Variants in NCOA1 observed in about 807,000 individuals in gnomAD.
The protein encoded by NCOA1 is nuclear receptor coactivator 1.
In NCOA1, 35 loss-of-function variants were observed where a neutral mutation model predicts 150.9. That is an observed-to-expected ratio of 0.23 (90% CI 0.18 to 0.31). The LOEUF is 0.31. Ranked by LOEUF, NCOA1 falls within the 10% of genes least tolerant of loss-of-function variation. NCOA1 has a pLI of 1.00. For synonymous variants in NCOA1, 590 were observed against 630.0 expected (o/e 0.94, Z 0.95); for missense variants, 1,491 against 1,749.3 (o/e 0.85, Z 2.63).
At chr2:24,658,627 G>A in intron 4 of NCOA1, 34 bp from the exon 5 acceptor site, 3 of 1,506,570 alleles carry the variant, frequency 2.0e-6, no homozygotes, top group South Asian at 1.1e-5. Flanking sequence ...AAGGTCATAA[G>A]GGTAGATTTC....
intron 1 of NCOA1, among the ~76,000 whole-genome samples, chr2:24,552,286 T>C (rs1367106353): frequency 7.1e-6 from 1 of 140,758 alleles, no homozygotes; most frequent in East Asian, 2.0e-4. Context: ...CACCAATTAT[T>C]GAGGTCTTTG....
At chr2:24,752,543 G>C (rs1488762808) in intron 20 of NCOA1, among the ~76,000 whole-genome samples, 1 of 152,162 alleles carries the variant, frequency 6.6e-6, no homozygotes, top group Non-Finnish European at 1.5e-5. Flanking sequence ...AAGTGATCTA[G>C]GTCCCCAACC....
chr2:24,729,889 T>A, intron 17 of NCOA1, 74 bp downstream of exon 17: 1 of 1,477,072 alleles, frequency 6.8e-7, no homozygotes, highest in Non-Finnish European at 9.1e-7. Flanking sequence ...CAGGCTAGTG[T>A]GGCTAGTGTG....
intron 9 of NCOA1, 118 bp from the exon 10 acceptor site, chr2:24,693,134 G>A (rs1056798997): frequency 1.4e-5 from 13 of 926,784 alleles, no homozygotes; most frequent in South Asian, 2.9e-5. Flanking sequence ...GATTACAGGC[G>A]TGAGCCACCA....
chr2:24,656,696 A>G (rs1670967593), intron 4 of NCOA1, among the ~76,000 whole-genome samples: 1 of 152,326 alleles, frequency 6.6e-6, no homozygotes, highest in Non-Finnish European at 1.5e-5. Flanking sequence ...TTTAGTTTAC[A>G]CATGAGTGAG....
intron 6 of NCOA1, among the ~76,000 whole-genome samples, chr2:24,669,201 A>G (rs529988461): frequency 6.6e-6 from 1 of 152,350 alleles, no homozygotes; most frequent in Admixed American, 6.5e-5. Flanking sequence ...GATATAGGCT[A>G]GGTTAGTATA....
At chr2:24,714,764 G>A (rs888577668) in intron 14 of NCOA1, among the ~76,000 whole-genome samples, 1 of 151,974 alleles carries the variant, frequency 6.6e-6, no homozygotes, top group African/African-American at 2.4e-5. Context: ...AGAAGGGGGA[G>A]CAGGTGAAAT....
intron 5 of NCOA1, 50 bp downstream of exon 5, chr2:24,658,816 T>G: frequency 6.6e-7 from 1 of 1,504,402 alleles, no homozygotes; most frequent in Non-Finnish European, 9.2e-7. Context: ...TTTATTACTT[T>G]CACTGCCACT....
At chr2:24,729,468 A>G (rs1303947806) in intron 16 of NCOA1, 33 bp from the exon 17 acceptor site, 1 of 1,569,664 alleles carries the variant, frequency 6.4e-7, no homozygotes, top group East Asian at 2.2e-5. Flanking sequence ...GCAGAAATTT[A>G]TTTGTAAAAT....
intron 1 of NCOA1, among the ~76,000 whole-genome samples, chr2:24,499,635 GTA>G (rs1405984770): frequency 2.6e-5 from 4 of 151,852 alleles, no homozygotes; most frequent in African/African-American, 7.3e-5. Context: ...ATGTCTCTTT[GTA>G]TAAATATAAG....
intron 15 of NCOA1, among the ~76,000 whole-genome samples, chr2:24,727,574 T>C (rs1662759181): frequency 6.6e-6 from 1 of 152,226 alleles, no homozygotes; most frequent in African/African-American, 2.4e-5. Context: ...GTATTGATTG[T>C]GGTTTAGCGC....
chr2:24,768,823 C>G lies in NCOA1; in HGVS notation c.*432C>G, dbSNP rs187443158. On this transcript the variant is annotated 3_prime_UTR_variant, in exon 23 of 23. Transcript: ENST00000348332. ...GGGCCCGTGGGGCTTTGCCTGTGCC[C>G]GTCCACCAAAGGCTGTCATGTGTCT... The G allele has an allele frequency of 4.4e-6, 1 of 225,528 alleles. No individual in the cohort carries two copies. Among genetic ancestry groups the G allele is most frequent in the Non-Finnish European group, 8.9e-6 (1 of 112,982 alleles). The allele number at this position is 225,528 out of a possible 1,614,324, so 14.0% of individuals were successfully genotyped here. A position where few individuals can be genotyped will look rare whatever the true frequency, so the allele number is the denominator to read the frequency against.
At position 24,540,760 on chromosome 2, in the gene NCOA1, G is replaced by T. The variant is rs117145087; in HGVS notation, c.-395-23535G>T. On this transcript the variant is annotated intron_variant, in intron 1 of 22. Coordinates refer to ENST00000348332, the MANE Select transcript of NCOA1 (RefSeq NM_003743.5). Reference sequence around the variant, plus strand: ...AGGTGTGAGCCACCGCACCTGGCCAGAACTGGCCCTTTTTGATGATCCAGT... The same window carrying T: ...AGGTGTGAGCCACCGCACCTGGCCATAACTGGCCCTTTTTGATGATCCAGT... Among the ~76,000 whole-genome samples the T allele has an allele frequency of 7.2e-5, 11 of 152,302 alleles. No individual in the cohort carries two copies. In the East Asian group the frequency reaches 2.1e-3, roughly 29 times the overall value.
rs570508217 is a variant in NCOA1 at position 24,589,080 on chromosome 2, C to T, written c.-175+4520C>T. On this transcript the variant is annotated intron_variant, in intron 3 of 22. Coordinates refer to ENST00000348332, the MANE Select transcript of NCOA1 (RefSeq NM_003743.5). Reference sequence around the variant, plus strand: ...TTCAAATATTATCTCTTTCCTCAGACGTGCCCACAACAGAATCTAGACTTA... The same window carrying T: ...TTCAAATATTATCTCTTTCCTCAGATGTGCCCACAACAGAATCTAGACTTA... 1.3e-4 allele frequency among the ~76,000 whole-genome samples: 20 copies of T among 152,212 alleles called. No homozygotes were observed. The South Asian group carries it at 3.9e-3, about 30-fold the overall frequency.
At chr2:24,491,997 C>A (rs564207035) in intron 1 of NCOA1, 2 of 151,994 alleles carry the variant, frequency 1.3e-5, no homozygotes, top group Non-Finnish European at 2.9e-5. Flanking sequence ...AGCCGGAAGT[C>A]GGCGCGGGCG....
chr2:24,529,910 T>C (rs982654144), intron 1 of NCOA1, among the ~76,000 whole-genome samples: 1 of 152,240 alleles, frequency 6.6e-6, no homozygotes, highest in Admixed American at 6.5e-5. Flanking sequence ...ATAGACATTC[T>C]TTACTTTTAG....
intron 14 of NCOA1, among the ~76,000 whole-genome samples, chr2:24,717,796 A>G (rs781755588): frequency 2.0e-5 from 3 of 152,184 alleles, no homozygotes; most frequent in Non-Finnish European, 4.4e-5. Flanking sequence ...CACTAATGCA[A>G]TAGTAGGAAA....
chr2:24,524,258 TTC>T (rs1664560187), intron 1 of NCOA1, among the ~76,000 whole-genome samples: 1 of 152,208 alleles, frequency 6.6e-6, no homozygotes, highest in African/African-American at 2.4e-5. Flanking sequence ...GCCTTTCAAC[TTC>T]TTTTTATTTT....
chr2:24,529,859 A>G (rs1425620596), intron 1 of NCOA1, among the ~76,000 whole-genome samples: 2 of 152,234 alleles, frequency 1.3e-5, no homozygotes. Flanking sequence ...TAGCATAATG[A>G]TATAACCTAA....
Sources: gnomAD v4.1 joint callset for allele counts (sites outside exome capture counted in the v4.1 genomes callset) on GRCh38, gnomAD v4.1.1 for gene constraint, MANE v1.5 for transcripts, NCBI Gene and HGNC (gene_info 2026-07-23, HGNC 2026-07-21) for gene names.